TLE6: variants seen among roughly 807,000 people sequenced by gnomAD.
The protein encoded by TLE6 is TLE family member 6, subcortical maternal complex member, also known as transducin-like enhancer protein 6.
A neutral mutation model predicts 77.1 loss-of-function variants in TLE6; 72 were observed. The observed-to-expected ratio is 0.93, with a 90% CI of 0.77 to 1.14. TLE6 has a LOEUF of 1.14. TLE6 is among the 50% of genes most tolerant of loss of function. The pLI is 0.00. For missense variants in TLE6, 843 were observed against 747.6 expected, an observed-to-expected ratio of 1.13 and a Z score of -1.49; for synonymous variants, 366 against 287.3, an observed-to-expected ratio of 1.27 and a Z score of -2.77.
Position 2,981,463 on chromosome 19 carries a change from G to C in TLE6, c.135-75G>C, listed in dbSNP as rs1389486919. ...AGCTTCATTGAGACCCTCCCTAGGG[G>C]TTGAGGGTGGGGCTCACTCTGGGGA... On this transcript the variant is annotated intron_variant, in intron 3 of 16. Transcript: ENST00000246112. 3 of 1,480,886 alleles carry C rather than the reference G, an allele frequency of 2.0e-6. No individual in the cohort carries two copies. The East Asian group carries it at 7.4e-5, about 37-fold the overall frequency. The allele number at this position is 1,480,886 out of a possible 1,614,324, so 91.7% of individuals were successfully genotyped here. A position where few individuals can be genotyped will look rare whatever the true frequency, so the allele number is the denominator to read the frequency against.
Position 2,987,002 on chromosome 19 carries a change from C to G in TLE6, c.305C>G (p.Ala102Gly), listed in dbSNP as rs746086010. ...GGCCAGGTCTCACCTGCTGAACCAG[C>G]CAGCCCTGGGACGCCCCAGCAGGTG... The part of the protein sequence containing the change: ...QSEEVSPAEP[A>G]SPGTPQQVKD... Residue 102 changes from alanine to glycine, a missense_variant, in exon 7 of 17, where the codon GCC becomes GGC. By Grantham distance (60) the Ala-to-Gly change is moderately conservative. Coordinates refer to ENST00000246112, the MANE Select transcript of TLE6 (RefSeq NM_001143986.2). The G allele has an allele frequency of 2.9e-5, 46 of 1,612,452 alleles. No homozygotes were observed. Among genetic ancestry groups the G allele is most frequent in the African/African-American group, 1.3e-5 (1 of 74,914 alleles).
chr19:2,989,868 G>C, intron 13 of TLE6, 83 bp downstream of exon 13: 9 of 1,557,276 alleles, frequency 5.8e-6, no homozygotes, highest in Non-Finnish European at 7.9e-6. Context: ...TACCACCTCT[G>C]CCCGCCTTCC....
rs1396753422 is a variant in TLE6 at position 2,980,100 on chromosome 19, C to G, written c.52C>G (p.Pro18Ala). Residue 18 changes from proline (P) to alanine (A), a missense_variant and splice_region_variant, in exon 3 of 17, where the codon CCT becomes GCT. Physicochemically the swap from Pro to Ala is conservative, Grantham distance 27. Coordinates refer to ENST00000246112, the MANE Select transcript of TLE6 (RefSeq NM_001143986.2). ...RPKGPPKSTSPCPGISNSESS... is the reference protein window; with the variant it reads ...RPKGPPKSTSACPGISNSESS... Reference sequence around the variant, plus strand: ...TGTAACCTTGCTTTGACCTTTCCAGCCTTGTCCTGGGATCTCGAACTCTGA... The same window carrying G: ...TGTAACCTTGCTTTGACCTTTCCAGGCTTGTCCTGGGATCTCGAACTCTGA... 10 of 1,550,228 alleles carry G rather than the reference C, an allele frequency of 6.5e-6. No homozygotes were observed. The highest frequency in any genetic ancestry group is 7.0e-6 in the Non-Finnish European group (8 of 1,146,156).
intron 5 of TLE6, among the ~76,000 whole-genome samples, 166 bp from the exon 6 acceptor site, chr19:2,986,663 G>A (rs1442326809): frequency 5.9e-5 from 9 of 152,086 alleles, no homozygotes; most frequent in African/African-American, 1.7e-4. Flanking sequence ...GCAGTGAGCC[G>A]AGATTGCACC....
intron 11 of TLE6, 135 bp from the exon 12 acceptor site, chr19:2,988,914 ATTGAGGGGAGTC>A (rs57758729): frequency 0.3 from 357,453 of 1,204,570 alleles, 55,084 homozygotes; most frequent in African/African-American, 0.61. Flanking sequence ...TGAGCAGGAC[ATTGAGGGGAGTC>A]TAGAGGGTAA....
At chr19:2,978,023 G>T (rs916447812) in intron 1 of TLE6, among the ~76,000 whole-genome samples, 175 bp from the exon 2 acceptor site, 6 of 152,244 alleles carry the variant, frequency 3.9e-5, no homozygotes, top group African/African-American at 1.4e-4. Flanking sequence ...AATCTGGGCA[G>T]CTGGAGGCAT....
At chr19:2,993,988 C>G in intron 15 of TLE6, 31 bp from the exon 16 acceptor site, 2 of 1,455,494 alleles carry the variant, frequency 1.4e-6, no homozygotes, top group African/African-American at 1.4e-5. Context: ...GGTAGTGGTT[C>G]TAAGTCTCGC....
intron 10 of TLE6, 22 bp from the exon 11 acceptor site, chr19:2,988,069 C>A (rs1464431356): frequency 1.4e-5 from 21 of 1,553,688 alleles, no homozygotes; most frequent in Non-Finnish European, 1.6e-5. Context: ...CTGGGGGCAG[C>A]TGTGATCTCC....
chr19:2,986,564 A>G (rs1427739456), intron 5 of TLE6, among the ~76,000 whole-genome samples: 1 of 151,368 alleles, frequency 6.6e-6, no homozygotes, highest in Non-Finnish European at 1.5e-5. Context: ...AAATACAAAA[A>G]TTAGCTGGGT....
At chr19:2,988,930 A>G in intron 11 of TLE6, 131 bp from the exon 12 acceptor site, 1 of 1,290,996 alleles carries the variant, frequency 7.7e-7, no homozygotes, top group Non-Finnish European at 1.1e-6. Flanking sequence ...GGGAGTCTAG[A>G]GGGTAAAACA....
At chr19:2,987,494 T>G in intron 8 of TLE6, 122 bp downstream of exon 8, 6 of 1,428,272 alleles carry the variant, frequency 4.2e-6, no homozygotes, top group Non-Finnish European at 5.9e-6. Context: ...GCCCCTCGGG[T>G]CCCCCGGGGG....
chr19:2,986,771 G>C, intron 5 of TLE6, 58 bp from the exon 6 acceptor site: 2 of 1,506,576 alleles, frequency 1.3e-6, no homozygotes, highest in South Asian at 2.4e-5. Flanking sequence ...CATGCTGTAG[G>C]ATTGCAAACC....
In TLE6 at chr19:2,995,052, C is replaced by CCGT. The variant is rs1711853406; in HGVS notation, c.*49_*50insGTC. ...ACTCCGGCTCCTCTTTTCATCCCCCCCCTTCCCCCCCCCCAACAAGGGGGA... is the reference window on the plus strand; with the variant it reads ...ACTCCGGCTCCTCTTTTCATCCCCCCCGTCCTTCCCCCCCCCCAACAAGGGGGA... On this transcript the variant is annotated 3_prime_UTR_variant, in exon 17 of 17. Coordinates refer to ENST00000246112, the MANE Select transcript of TLE6 (RefSeq NM_001143986.2). 6.3e-6 allele frequency: 7 copies of CCGT among 1,113,508 alleles called. No individual in the cohort carries two copies. The highest frequency in any genetic ancestry group is 2.8e-4 in the Middle Eastern group (1 of 3,518). The allele number at this position is 1,113,508 out of a possible 1,614,324, so 69.0% of individuals were successfully genotyped here. A position where few individuals can be genotyped will look rare whatever the true frequency, so the allele number is the denominator to read the frequency against.
At chr19:2,990,607 A>G (rs1236493734) in intron 13 of TLE6, among the ~76,000 whole-genome samples, 2 of 146,136 alleles carry the variant, frequency 1.4e-5, no homozygotes, top group Non-Finnish European at 1.5e-5. Flanking sequence ...CTCTGTCTCA[A>G]AAAAGAAAAA....
intron 12 of TLE6, 51 bp from the exon 13 acceptor site, chr19:2,989,484 A>G (rs988496577): frequency 2.5e-6 from 4 of 1,586,128 alleles, no homozygotes; most frequent in Non-Finnish European, 3.4e-6. Context: ...AAAGCAGTCC[A>G]GGCAGAATGC....
In TLE6 at chr19:2,993,524, G is replaced by A. The variant is rs1210384527; in HGVS notation, c.1479G>A (p.Gln493=). The change falls in exon 15 of 17, where the codon CAG becomes CAA. Residue 493 remains glutamine (Q), a synonymous_variant. Coordinates refer to ENST00000246112, the MANE Select transcript of TLE6 (RefSeq NM_001143986.2). ...QQWLQSTSGS[Q]RHMVGQKDSV... ...GGCTGCAAAGCACCAGCGGGAGCCA[G>A]CGGCACATGGTGGGGCAAAAAGACA... is the stretch of plus-strand genomic sequence containing the variant. The A allele has an allele frequency of 1.3e-6, 2 of 1,592,440 alleles. No homozygotes were observed. Among genetic ancestry groups the A allele is most frequent in the Non-Finnish European group, 1.7e-6 (2 of 1,163,510 alleles).
Position 2,982,137 on chromosome 19 carries a change from T to C in TLE6, c.181-11T>C. 13 of 1,551,492 alleles carry C rather than the reference T, an allele frequency of 8.4e-6. No homozygotes were observed. The highest frequency in any genetic ancestry group is 1.4e-5 in the African/African-American group (1 of 73,094). Reference sequence around the variant, plus strand: ...CCACCTCCCGATGGGATCTCTGTTTTCCCTTTGCAGCTGCACAAGATCCAG... The same window carrying C: ...CCACCTCCCGATGGGATCTCTGTTTCCCCTTTGCAGCTGCACAAGATCCAG... On this transcript the variant is annotated splice_polypyrimidine_tract_variant and intron_variant, in intron 4 of 16. Coordinates refer to ENST00000246112, the MANE Select transcript of TLE6 (RefSeq NM_001143986.2).
In TLE6 at chr19:2,989,746, T is replaced by A; in HGVS notation, c.1205T>A (p.Val402Glu). The change falls in exon 13 of 17, where the codon GTG becomes GAG. Residue 402 changes from valine (V) to glutamate (E), a missense_variant. Transcript: ENST00000246112. Reference protein sequence around the residue: ...NLAFASFTSGVVRIWDLRDQS... With the variant: ...NLAFASFTSGEVRIWDLRDQS... ...GCCTTCGCCAGCTTCACCAGTGGTG[T>A]GGTCAGGATCTGGGACCTGCGGGAT... 6.2e-7 allele frequency: 1 copy of A among 1,614,136 alleles called. No homozygotes were observed. Among genetic ancestry groups the A allele is most frequent in the Non-Finnish European group, 8.5e-7 (1 of 1,180,024 alleles).
At chr19:2,979,590 A>G (rs1599148153) in intron 2 of TLE6, among the ~76,000 whole-genome samples, 4 of 151,796 alleles carry the variant, frequency 2.6e-5, no homozygotes, top group African/African-American at 9.7e-5. Flanking sequence ...TCATCACAAG[A>G]ATGTGGTGAA....
Sources: allele counts gnomAD v4.1 joint callset (sites outside exome capture counted in the v4.1 genomes callset), GRCh38; gene constraint gnomAD v4.1.1; transcripts MANE v1.5; gene names NCBI Gene and HGNC (gene_info 2026-07-23, HGNC 2026-07-21).